Variants in SPAG16 observed in about 807,000 individuals in gnomAD.
SPAG16 encodes sperm-associated antigen 16 protein.
SPAG16 carries 86 observed loss-of-function variants against 80.4 expected under a neutral mutation model. The ratio of observed to expected loss-of-function variants is 1.07; its 90% CI spans 0.90 to 1.28. SPAG16 has a LOEUF of 1.28. SPAG16 is among the 50% of genes most tolerant of loss of function. The probability of loss-of-function intolerance (pLI) is 0.00; values close to 1 mark genes in which losing one functional copy is unlikely to be tolerated. For synonymous variants in SPAG16, 294 were observed against 265.9 expected (o/e 1.11, Z -1.03); for missense variants, 870 against 765.3 (o/e 1.14, Z -1.61).
chr2:213,435,415 G>A (rs1051633905), intron 9 of SPAG16, among the ~76,000 whole-genome samples: 1 of 152,110 alleles, frequency 6.6e-6, no homozygotes, highest in African/African-American at 2.4e-5. Flanking sequence ...TGAGGGACAA[G>A]AAATTACTTA....
rs1381820224 is a variant in SPAG16 at position 213,340,239 on chromosome 2, G to GA, written c.620dup (p.Asn207LysfsTer5). On this transcript the variant is annotated frameshift_variant, in exon 6 of 16. Transcript: ENST00000331683. LOFTEE classifies it high-confidence loss of function. ...AATGCATCATAAGCGAATAGTCCAG[G>GA]AAAAAAACAAATTAATTAATGACCT... 1.2e-6 allele frequency: 2 copies of GA among 1,609,500 alleles called. No individual in the cohort carries two copies. Among genetic ancestry groups the GA allele is most frequent in the Non-Finnish European group, 1.7e-6 (2 of 1,177,944 alleles).
At chr2:213,332,453 A>C (rs959342972) in intron 5 of SPAG16, among the ~76,000 whole-genome samples, 3 of 152,168 alleles carry the variant, frequency 2.0e-5, no homozygotes, top group African/African-American at 7.2e-5. Context: ...TAATCGTGCC[A>C]AGCATTTAAA....
At chr2:213,950,565 C>T (rs1011108134) in intron 12 of SPAG16, among the ~76,000 whole-genome samples, 1 of 152,024 alleles carries the variant, frequency 6.6e-6, no homozygotes, top group African/African-American at 2.4e-5. Flanking sequence ...TGCCTTTGTA[C>T]TTTAAGATTA....
chr2:213,340,925 T>C (rs2064652439), intron 6 of SPAG16, among the ~76,000 whole-genome samples: 1 of 152,188 alleles, frequency 6.6e-6, no homozygotes, highest in Non-Finnish European at 1.5e-5. Context: ...TTTGTGATGA[T>C]ATAAATACTC....
chr2:214,410,027 CT>C (rs1702210818), intron 15 of SPAG16, 112 bp from the exon 16 acceptor site: 11 of 1,192,616 alleles, frequency 9.2e-6, no homozygotes, highest in South Asian at 1.4e-5. Flanking sequence ...TAACTGACCC[CT>C]AACACAGAAT....
chr2:213,829,505 A>C (rs947789909), intron 10 of SPAG16, among the ~76,000 whole-genome samples: 5 of 152,106 alleles, frequency 3.3e-5, no homozygotes, highest in African/African-American at 1.2e-4. Flanking sequence ...ATGGCCAAGC[A>C]AGTACCTAAG....
At chr2:213,851,845 A>T (rs2074927703) in intron 10 of SPAG16, among the ~76,000 whole-genome samples, 1 of 152,196 alleles carries the variant, frequency 6.6e-6, no homozygotes, top group African/African-American at 2.4e-5. Flanking sequence ...AGAATGCTCC[A>T]CTCTAGTAAA....
At chr2:214,046,546 A>T (rs1221815471) in intron 13 of SPAG16, among the ~76,000 whole-genome samples, 1 of 152,208 alleles carries the variant, frequency 6.6e-6, no homozygotes, top group Non-Finnish European at 1.5e-5. Flanking sequence ...ATGGTCTAAC[A>T]TACACAAATC....
At chr2:213,565,952 G>C (rs891739525) in intron 10 of SPAG16, among the ~76,000 whole-genome samples, 9 of 152,138 alleles carry the variant, frequency 5.9e-5, no homozygotes, top group Non-Finnish European at 1.3e-4. Flanking sequence ...ATGATTATGA[G>C]GTTCATACTG....
At chr2:213,699,126 C>A (rs1329741923) in intron 10 of SPAG16, among the ~76,000 whole-genome samples, 1 of 152,088 alleles carries the variant, frequency 6.6e-6, no homozygotes, top group Non-Finnish European at 1.5e-5. Context: ...CCACCATTGC[C>A]ACCCCCACTC....
At chr2:213,752,377 A>C (rs989732870) in intron 10 of SPAG16, among the ~76,000 whole-genome samples, 1 of 152,160 alleles carries the variant, frequency 6.6e-6, no homozygotes, top group African/African-American at 2.4e-5. Context: ...GTAAGATATT[A>C]TCAGTGCTAA....
chr2:213,393,563 T>C (rs974435574), intron 9 of SPAG16, among the ~76,000 whole-genome samples: 20 of 152,120 alleles, frequency 1.3e-4, no homozygotes, highest in Admixed American at 9.2e-4. Context: ...GTTTCCAATG[T>C]CTTGGAAATA....
At chr2:213,323,276 T>C (rs1247046665) in intron 5 of SPAG16, among the ~76,000 whole-genome samples, 3 of 151,844 alleles carry the variant, frequency 2.0e-5, no homozygotes, top group Non-Finnish European at 4.4e-5. Context: ...CCGTCTCTTC[T>C]AAAAAATACA....
chr2:213,394,629 A>C (rs963116696), intron 9 of SPAG16, among the ~76,000 whole-genome samples: 1 of 152,238 alleles, frequency 6.6e-6, no homozygotes, highest in Middle Eastern at 3.4e-3. Flanking sequence ...GGAAACCACT[A>C]ATCTTTTCTT....
intron 13 of SPAG16, among the ~76,000 whole-genome samples, chr2:214,015,563 A>T (rs990622706): frequency 6.7e-6 from 1 of 150,320 alleles, no homozygotes; most frequent in Non-Finnish European, 1.5e-5. Context: ...ATGCCATTGC[A>T]CTCTAGCCTG....
chr2:213,582,513 G>C (rs1196638210), intron 10 of SPAG16, among the ~76,000 whole-genome samples: 2 of 152,146 alleles, frequency 1.3e-5, no homozygotes, highest in African/African-American at 4.8e-5. Context: ...ATAGTGATTA[G>C]AGATTGGGGC....
intron 15 of SPAG16, among the ~76,000 whole-genome samples, chr2:214,243,032 T>G (rs1423345466): frequency 1.3e-5 from 2 of 152,150 alleles, no homozygotes; most frequent in Admixed American, 6.5e-5. Context: ...GAAAAGCATG[T>G]ATAATAAAAT....
At chr2:214,354,656 G>T (rs1698655953) in intron 15 of SPAG16, among the ~76,000 whole-genome samples, 1 of 151,640 alleles carries the variant, frequency 6.6e-6, no homozygotes. Flanking sequence ...CCATTTGTTT[G>T]TATCCTCTTT....
chr2:214,026,137 C>A (rs137881683), intron 13 of SPAG16, among the ~76,000 whole-genome samples: 1 of 151,424 alleles, frequency 6.6e-6, no homozygotes, highest in African/African-American at 2.4e-5. Flanking sequence ...GAAAAGCTAA[C>A]AGCAAACCAT....
Sources: gnomAD v4.1 joint callset for allele counts (sites outside exome capture counted in the v4.1 genomes callset) on GRCh38, gnomAD v4.1.1 for gene constraint, MANE v1.5 for transcripts, NCBI Gene and HGNC (gene_info 2026-07-23, HGNC 2026-07-21) for gene names.